The following DNAH11 variants were observed in gnomAD, a reference collection of about 807,000 sequenced individuals.
DNAH11 encodes the protein dynein axonemal heavy chain 11.
A neutral mutation model predicts 526.0 loss-of-function variants in DNAH11; 442 were observed. The ratio of observed to expected loss-of-function variants is 0.84; its 90% CI spans 0.78 to 0.91. The LOEUF is 0.91. Among genes scored for constraint, DNAH11 ranks in the 40% least tolerant of loss-of-function variants. DNAH11 has a pLI of 0.00. For missense variants in DNAH11, 6,989 were observed against 5,448.7 expected, an observed-to-expected ratio of 1.28 and a Z score of -8.90; for synonymous variants, 2,461 against 1,935.9, an observed-to-expected ratio of 1.27 and a Z score of -7.12.
intron 81 of DNAH11, among the ~76,000 whole-genome samples, chr7:21,900,748 A>G (rs993031647): frequency 1.6e-4 from 22 of 137,326 alleles, no homozygotes; most frequent in African/African-American, 5.5e-4. Flanking sequence ...GAATTCTCTT[A>G]GAATCCCATT....
At chr7:21,553,070 A>ATTTTTTTGTTTTTTTTT (rs1783081147) in intron 2 of DNAH11, among the ~76,000 whole-genome samples, 1 of 66,784 alleles carries the variant, frequency 1.5e-5, no homozygotes, top group African/African-American at 7.3e-5. Flanking sequence ...TATAAATGGG[A>ATTTTTTTGTTTTTTTTT]TTTTTTTTTT....
chr7:21,819,129 C>G (rs1244795437), intron 65 of DNAH11, among the ~76,000 whole-genome samples: 1 of 152,184 alleles, frequency 6.6e-6, no homozygotes, highest in Non-Finnish European at 1.5e-5. Context: ...AACCGACATT[C>G]ACTAGACTTA....
chr7:21,696,537 A>G (rs1783859824), intron 35 of DNAH11, among the ~76,000 whole-genome samples: 1 of 152,240 alleles, frequency 6.6e-6, no homozygotes, highest in Admixed American at 6.5e-5. Context: ...GCTTTGTTTG[A>G]AAACTGTGTG....
At chr7:21,751,944 T>C (rs560287483) in intron 54 of DNAH11, among the ~76,000 whole-genome samples, 27 of 152,336 alleles carry the variant, frequency 1.8e-4, no homozygotes, top group African/African-American at 6.5e-4. Flanking sequence ...TGTTAGAATT[T>C]GAGGTAGTAA....
intron 54 of DNAH11, among the ~76,000 whole-genome samples, chr7:21,754,265 G>C (rs892682914): frequency 6.6e-6 from 1 of 152,170 alleles, no homozygotes; most frequent in Admixed American, 6.5e-5. Context: ...TCTTGTCAAA[G>C]AAGTATCTAC....
chr7:21,873,643 G>A (rs370997054), intron 74 of DNAH11, 142 bp downstream of exon 74: 21 of 765,092 alleles, frequency 2.7e-5, no homozygotes, highest in African/African-American at 2.1e-4. Flanking sequence ...AGGGGTGGGC[G>A]TGTTTTAATC....
chr7:21,812,665 AAAG>A (rs1789581572), intron 63 of DNAH11, among the ~76,000 whole-genome samples: 1 of 152,082 alleles, frequency 6.6e-6, no homozygotes, highest in South Asian at 2.1e-4. Context: ...AAAAGAAAGA[AAAG>A]AGAGAGAGAG....
At chr7:21,790,343 A>C (rs187840905) in intron 61 of DNAH11, among the ~76,000 whole-genome samples, 1 of 152,152 alleles carries the variant, frequency 6.6e-6, no homozygotes. Flanking sequence ...CCAGCTACTC[A>C]GGAGGCTGAG....
intron 25 of DNAH11, among the ~76,000 whole-genome samples, chr7:21,626,745 CTTTTTTTTTTTT>C (rs34136253): frequency 9.0e-5 from 6 of 66,386 alleles, no homozygotes; most frequent in Admixed American, 6.7e-4. Context: ...TTCTGTATGT[CTTTTTTTTTTTT>C]TTTTTTTTTT....
At chr7:21,665,077 C>A (rs1052199565) in intron 30 of DNAH11, among the ~76,000 whole-genome samples, 2 of 151,930 alleles carry the variant, frequency 1.3e-5, no homozygotes, top group Non-Finnish European at 2.9e-5. Flanking sequence ...TCCTCTCTTT[C>A]TTTATCTCTC....
intron 30 of DNAH11, among the ~76,000 whole-genome samples, chr7:21,674,028 TTGTGTGTGTG>T (rs59263134): frequency 1.6e-4 from 22 of 137,362 alleles, no homozygotes; most frequent in East Asian, 1.1e-3. Flanking sequence ...CTGTTTTGTT[TTGTGTGTGTG>T]TGTGTGTGTG....
intron 42 of DNAH11, among the ~76,000 whole-genome samples, chr7:21,714,771 T>A (rs950852114): frequency 6.6e-6 from 1 of 150,928 alleles, no homozygotes; most frequent in African/African-American, 2.4e-5. Context: ...TCTCTCTCTT[T>A]CTCTGGCATA....
chr7:21,590,467 C>G (rs75163317), intron 12 of DNAH11, among the ~76,000 whole-genome samples: 6,263 of 152,130 alleles, frequency 0.041, 425 homozygotes, highest in African/African-American at 0.14. Context: ...TAGTGATTAC[C>G]TGGAGTCTCT....
At chr7:21,890,002 G>T (rs143938513) in intron 76 of DNAH11, among the ~76,000 whole-genome samples, 2 of 152,212 alleles carry the variant, frequency 1.3e-5, no homozygotes, top group Non-Finnish European at 2.9e-5. Context: ...TTTCCTTCTA[G>T]AAAAAGCAAG....
intron 79 of DNAH11, among the ~76,000 whole-genome samples, chr7:21,898,771 G>A (rs185779767): frequency 1.0e-3 from 159 of 152,266 alleles, no homozygotes; most frequent in Non-Finnish European, 1.7e-3. Flanking sequence ...TCAACCCACC[G>A]GCGTGCCATT....
intron 65 of DNAH11, among the ~76,000 whole-genome samples, chr7:21,837,765 G>A (rs1782048098): frequency 6.6e-6 from 1 of 152,106 alleles, no homozygotes; most frequent in African/African-American, 2.4e-5. Flanking sequence ...CTGGTGTTCT[G>A]TAGCACAGTA....
chr7:21,591,320 A>G lies in DNAH11; in HGVS notation c.2410A>G (p.Thr804Ala), dbSNP rs1341018878. 1.2e-6 allele frequency: 2 copies of G among 1,613,844 alleles called. No homozygotes were observed. The highest frequency in any genetic ancestry group is 1.3e-5 in the African/African-American group (1 of 74,932). The change falls in exon 14 of 82, where the codon ACA (threonine) becomes GCA (alanine). Residue 804 changes from threonine (T) to alanine (A), a missense_variant. By Grantham distance (58) the Thr-to-Ala change is moderately conservative. Transcript: ENST00000409508. ...GCTGACAGCAGCCACAACGTGGCTG[A>G]CATGGCAGGATGACTGCTGGGGCTA... ...EQLTAATTWL[T>A]WQDDCWGYIE...
intron 1 of DNAH11, among the ~76,000 whole-genome samples, chr7:21,544,033 ACACTT>A (rs1281240449): frequency 3.3e-5 from 5 of 152,140 alleles, no homozygotes; most frequent in African/African-American, 1.2e-4. Context: ...CGTGCCAACA[ACACTT>A]CACCCCAGGC....
intron 34 of DNAH11, among the ~76,000 whole-genome samples, chr7:21,688,724 C>T (rs1783488862): frequency 6.6e-6 from 1 of 152,220 alleles, no homozygotes; most frequent in Non-Finnish European, 1.5e-5. Flanking sequence ...GTAACTTGGG[C>T]CAAGACCTTT....
Sources: gnomAD v4.1 joint callset for allele counts (sites outside exome capture counted in the v4.1 genomes callset) on GRCh38, gnomAD v4.1.1 for gene constraint, MANE v1.5 for transcripts, NCBI Gene and HGNC (gene_info 2026-07-23, HGNC 2026-07-21) for gene names.